Variants in DPH5 observed in about 807,000 individuals in gnomAD.
The protein encoded by DPH5 is diphthamide biosynthesis 5, also known as diphthine methyl ester synthase.
DPH5 carries 31 observed loss-of-function variants against 31.6 expected under a neutral mutation model. That is an observed-to-expected ratio of 0.98 (90% confidence interval 0.74 to 1.32). The LOEUF is 1.32. Ranked by LOEUF, DPH5 falls within the 40% of genes most tolerant of loss-of-function variation. The pLI is 0.00. For missense variants in DPH5, 309 were observed against 335.7 expected (o/e 0.92, Z 0.62); for synonymous variants, 120 against 115.0 (o/e 1.04, Z -0.28).
intron 4 of DPH5, among the ~76,000 whole-genome samples, chr1:101,010,888 C>G (rs527916545): frequency 6.6e-6 from 1 of 152,284 alleles, no homozygotes; most frequent in Non-Finnish European, 1.5e-5. Flanking sequence ...TGGTAATTCT[C>G]AAAGTATGGT....
At chr1:101,019,312 A>C (rs1660294917) in intron 3 of DPH5, among the ~76,000 whole-genome samples, 1 of 152,170 alleles carries the variant, frequency 6.6e-6, no homozygotes, top group Admixed American at 6.5e-5. Flanking sequence ...GAACTTACTT[A>C]ACTATGACTT....
intron 4 of DPH5, chr1:101,011,716 TA>T (rs1383298706): frequency 2.0e-5 from 3 of 148,746 alleles, no homozygotes; most frequent in African/African-American, 5.0e-5. Flanking sequence ...AAAAATTAAT[TA>T]AAAATAGCTT....
In DPH5 at chr1:100,990,509, T is replaced by C. The variant is rs759025168; in HGVS notation, c.757A>G (p.Ile253Val). 2.5e-6 allele frequency: 4 copies of C among 1,614,028 alleles called. No individual in the cohort carries two copies. Among genetic ancestry groups the C allele is most frequent in the Non-Finnish European group, 3.4e-6 (4 of 1,180,026 alleles). Reference sequence around the variant, plus strand: ...GGATGTATGCTGCCTCCTGTGATGATCAAGGAATGCAATGGTTCTCCCAAG... The same window carrying C: ...GGATGTATGCTGCCTCCTGTGATGACCAAGGAATGCAATGGTTCTCCCAAG... The part of the protein sequence containing the change: ...VDLGEPLHSL[I>V]ITGGSIHPME... The change falls in exon 8 of 8, where the codon ATC becomes GTC. Residue 253 changes from isoleucine to valine, a missense_variant. Ile to Val is a conservative substitution (Grantham distance 29). Coordinates refer to ENST00000370109, the MANE Select transcript of DPH5 (RefSeq NM_015958.3).
intron 3 of DPH5, among the ~76,000 whole-genome samples, chr1:101,016,567 T>C (rs1660092138): frequency 6.6e-6 from 1 of 150,496 alleles, no homozygotes; most frequent in South Asian, 2.1e-4. Flanking sequence ...TCCCTCAGCC[T>C]CTCGGGTAGC....
chr1:101,021,817 A>AACACACACACAC (rs67726104), intron 2 of DPH5, 52 bp from the exon 3 acceptor site: 85 of 739,120 alleles, frequency 1.2e-4, no homozygotes, highest in East Asian at 1.1e-3. Context: ...TGACCATTCT[A>AACACACACACAC]ACACACACAC....
At chr1:100,998,816 C>T (rs917281855) in intron 5 of DPH5, among the ~76,000 whole-genome samples, 2 of 152,146 alleles carry the variant, frequency 1.3e-5, no homozygotes, top group African/African-American at 4.8e-5. Flanking sequence ...GGTTATAACA[C>T]ATCACTGAAG....
intron 3 of DPH5, among the ~76,000 whole-genome samples, chr1:101,020,777 C>T (rs1357169960): frequency 1.3e-5 from 2 of 152,116 alleles, no homozygotes; most frequent in African/African-American, 2.4e-5. Flanking sequence ...TCCTTATCCA[C>T]CACATTCATC....
At chr1:101,019,831 G>T (rs942762618) in intron 3 of DPH5, among the ~76,000 whole-genome samples, 26 of 145,272 alleles carry the variant, frequency 1.8e-4, no homozygotes, top group Non-Finnish European at 3.8e-4. Context: ...GTCTAAAATG[G>T]AAAAAAAAAA....
intron 4 of DPH5, among the ~76,000 whole-genome samples, chr1:101,003,199 T>C (rs1171035165): frequency 6.6e-6 from 1 of 152,178 alleles, no homozygotes; most frequent in East Asian, 1.9e-4. Flanking sequence ...TGTGACAGGT[T>C]TCCCTGTGAC....
chr1:101,004,283 G>A (rs1485597598), intron 4 of DPH5, among the ~76,000 whole-genome samples: 1 of 152,148 alleles, frequency 6.6e-6, no homozygotes, highest in African/African-American at 2.4e-5. Context: ...AGTTCTTTGT[G>A]TTTCACAATC....
intron 5 of DPH5, among the ~76,000 whole-genome samples, chr1:100,997,688 T>C (rs571339622): frequency 6.6e-6 from 1 of 152,254 alleles, no homozygotes; most frequent in East Asian, 1.9e-4. Context: ...TTAATGGATA[T>C]ATGGGGAGGT....
chr1:101,003,476 G>A (rs1021350684), intron 4 of DPH5, among the ~76,000 whole-genome samples: 1 of 152,198 alleles, frequency 6.6e-6, no homozygotes, highest in African/African-American at 2.4e-5. Context: ...GAAAGGCTCT[G>A]CAGTCATGGC....
At chr1:101,013,575 T>A in intron 4 of DPH5, 135 bp downstream of exon 4, 1 of 571,106 alleles carries the variant, frequency 1.8e-6, no homozygotes, top group Admixed American at 3.3e-5. Context: ...TCAGTCTATG[T>A]ATATACTAAG....
rs1657543975 is a variant in DPH5 at position 100,990,253 on chromosome 1, A to G, written c.*155T>C. ...GAAAGCTCACTATCATGAGAATAGC[A>G]TGAGGGAAACTGCCCCCATGATTCA... On this transcript the variant is annotated 3_prime_UTR_variant, in exon 8 of 8. Coordinates refer to ENST00000370109, the MANE Select transcript of DPH5 (RefSeq NM_015958.3). 1 of 664,880 alleles carries G rather than the reference A, an allele frequency of 1.5e-6. No homozygotes were observed. The highest frequency in any genetic ancestry group is 2.6e-6 in the Non-Finnish European group (1 of 385,750). The allele number at this position is 664,880 out of a possible 1,614,324, so 41.2% of individuals were successfully genotyped here. A position where few individuals can be genotyped will look rare whatever the true frequency, so the allele number is the denominator to read the frequency against.
intron 2 of DPH5, 51 bp from the exon 3 acceptor site, chr1:101,021,816 TAACACA>T (rs763105964): frequency 1.8e-6 from 2 of 1,091,558 alleles, no homozygotes; most frequent in Non-Finnish European, 2.5e-6. Context: ...GTGACCATTC[TAACACA>T]CACACACACA....
In DPH5 at chr1:100,992,654, A is replaced by G; in HGVS notation, c.617T>C (p.Ile206Thr). ...QLLEIVQNQR[I>T]RGEEPAVTEE... The stretch of plus-strand genomic sequence containing the variant: ...TTGAGTACCTGGTTCTTCTCCTCGT[A>G]TTCTTTGATTTTGAACAATCTCCAG... The change falls in exon 7 of 8, where the codon ATA becomes ACA. Residue 206 changes from isoleucine to threonine, a missense_variant. Physicochemically the swap from Ile to Thr is moderately conservative, Grantham distance 89. Coordinates refer to ENST00000370109, the MANE Select transcript of DPH5 (RefSeq NM_015958.3). The G allele has an allele frequency of 6.2e-7, 1 of 1,613,864 alleles. No individual in the cohort carries two copies.
rs780924835 is a variant in DPH5, at chr1:101,025,400, A to G, written c.44T>C (p.Ile15Thr). 4.3e-6 allele frequency: 7 copies of G among 1,614,202 alleles called. No individual in the cohort carries two copies. Among genetic ancestry groups the G allele is most frequent in the Non-Finnish European group, 5.9e-6 (7 of 1,180,026 alleles). Residue 15 changes from isoleucine to threonine, a missense_variant, in exon 2 of 8, where the codon ATC becomes ACC. Coordinates refer to ENST00000370109, the MANE Select transcript of DPH5 (RefSeq NM_015958.3). Reference protein sequence around the residue: ...IGLGLGDAKDITVKGLEVVRR... With the variant: ...IGLGLGDAKDTTVKGLEVVRR... ...AACAACTTCCAGGCCCTTGACTGTGATGTCCTTGGCATCTCCCAGGCCCAA... is the reference window on the plus strand; with the variant it reads ...AACAACTTCCAGGCCCTTGACTGTGGTGTCCTTGGCATCTCCCAGGCCCAA...
chr1:100,998,287 G>A (rs771480857), intron 5 of DPH5, among the ~76,000 whole-genome samples: 4 of 152,134 alleles, frequency 2.6e-5, no homozygotes, highest in Non-Finnish European at 4.4e-5. Context: ...GAGACGGGCA[G>A]ATCACTTGAG....
intron 4 of DPH5, among the ~76,000 whole-genome samples, chr1:101,008,617 C>G (rs564867424): frequency 6.6e-6 from 1 of 152,296 alleles, no homozygotes; most frequent in Non-Finnish European, 1.5e-5. Flanking sequence ...CCCTAGACAG[C>G]CAAGGTTTCT....
Sources: allele counts gnomAD v4.1 joint callset (sites outside exome capture counted in the v4.1 genomes callset), GRCh38; gene constraint gnomAD v4.1.1; transcripts MANE v1.5; gene names NCBI Gene and HGNC (gene_info 2026-07-23, HGNC 2026-07-21).